ENOX1: variants seen among roughly 807,000 people sequenced by gnomAD.
ENOX1 encodes candidate growth-related and time keeping constitutive hydroquinone (NADH) oxidase.
A neutral mutation model predicts 82.5 loss-of-function variants in ENOX1; 42 were observed. The observed-to-expected ratio is 0.51, with a 90% CI of 0.40 to 0.66. The LOEUF (loss-of-function observed/expected upper bound fraction) is 0.66. ENOX1 is among the 30% of genes least tolerant of loss of function. The pLI is 0.00. For missense variants in ENOX1, 608 were observed against 811.6 expected (o/e 0.75, Z 3.05); for synonymous variants, 271 against 282.2 (o/e 0.96, Z 0.40).
intron 1 of ENOX1, among the ~76,000 whole-genome samples, chr13:43,779,035 G>T (rs1952087034): frequency 6.6e-6 from 1 of 152,012 alleles, no homozygotes; most frequent in African/African-American, 2.4e-5. Flanking sequence ...TTCCTAGCTG[G>T]TCTCCATGTC....
intron 14 of ENOX1, among the ~76,000 whole-genome samples, chr13:43,237,607 G>A (rs956842296): frequency 2.0e-5 from 3 of 152,200 alleles, no homozygotes; most frequent in Admixed American, 1.3e-4. Flanking sequence ...ATAGAGAACA[G>A]GTACGGAGAG....
At chr13:43,346,408 A>C (rs1042939694) in intron 8 of ENOX1, among the ~76,000 whole-genome samples, 1 of 152,122 alleles carries the variant, frequency 6.6e-6, no homozygotes, top group Non-Finnish European at 1.5e-5. Flanking sequence ...TTTCTGAGCA[A>C]ACCTGCCCCC....
intron 12 of ENOX1, among the ~76,000 whole-genome samples, chr13:43,284,056 G>A (rs959736462): frequency 6.6e-6 from 1 of 152,072 alleles, no homozygotes; most frequent in East Asian, 1.9e-4. Flanking sequence ...TTTGACATCT[G>A]TTGAGATTTG....
intron 2 of ENOX1, 125 bp from the exon 3 acceptor site, chr13:43,484,277 C>T (rs2058611623): frequency 2.1e-6 from 1 of 485,714 alleles, no homozygotes; most frequent in Non-Finnish European, 2.7e-6. Context: ...CAATTTTGTA[C>T]CCTAAATCAT....
chr13:43,578,574 G>A (rs909530718), intron 2 of ENOX1, among the ~76,000 whole-genome samples: 1 of 152,056 alleles, frequency 6.6e-6, no homozygotes, highest in African/African-American at 2.4e-5. Context: ...TTCATAAGTA[G>A]CGTCACTCAA....
chr13:43,454,840 C>T (rs1269325468), intron 3 of ENOX1, among the ~76,000 whole-genome samples: 1 of 119,840 alleles, frequency 8.3e-6, no homozygotes, highest in South Asian at 2.9e-4. Context: ...ATATTGAAAC[C>T]ATTTTTTTTT....
intron 2 of ENOX1, among the ~76,000 whole-genome samples, chr13:43,554,040 C>A (rs999013690): frequency 6.6e-6 from 1 of 152,292 alleles, no homozygotes; most frequent in African/African-American, 2.4e-5. Context: ...TGAGCCACTG[C>A]GCCTGGCTGA....
chr13:43,299,782 A>G (rs1174313917), intron 11 of ENOX1, among the ~76,000 whole-genome samples: 1 of 152,154 alleles, frequency 6.6e-6, no homozygotes, highest in Non-Finnish European at 1.5e-5. Context: ...GTTACCAGAA[A>G]CTTCAAACAT....
chr13:43,288,739 T>A (rs1213573553), intron 12 of ENOX1, among the ~76,000 whole-genome samples: 1 of 152,208 alleles, frequency 6.6e-6, no homozygotes, highest in African/African-American at 2.4e-5. Flanking sequence ...TTGAGGCTCA[T>A]GAACTCTACT....
chr13:43,729,863 C>A (rs914797020), intron 1 of ENOX1, among the ~76,000 whole-genome samples: 1 of 152,198 alleles, frequency 6.6e-6, no homozygotes, highest in African/African-American at 2.4e-5. Context: ...ATCTCTGTAC[C>A]ATTCCAATTT....
At chr13:43,666,334 A>G (rs1052904669) in intron 2 of ENOX1, among the ~76,000 whole-genome samples, 29 of 152,322 alleles carry the variant, frequency 1.9e-4, no homozygotes, top group African/African-American at 6.7e-4. Flanking sequence ...CTGCAATCCA[A>G]ATCTCTCATA....
At chr13:43,523,869 C>G (rs1283034063) in intron 2 of ENOX1, among the ~76,000 whole-genome samples, 1 of 152,100 alleles carries the variant, frequency 6.6e-6, no homozygotes, top group Non-Finnish European at 1.5e-5. Flanking sequence ...CAGATTCTCC[C>G]TGAAAAGTGA....
At position 43,292,087 on chromosome 13, in the gene ENOX1, C is replaced by T. The variant is rs536798056; in HGVS notation, c.1446+6259G>A. Among the ~76,000 whole-genome samples, 63 of 152,204 alleles carry T rather than the reference C, an allele frequency of 4.1e-4. 1 individual carries two copies. The South Asian group carries it at 0.013, about 31-fold the overall frequency. ...CACCTTGCTCATGAAGAAACCTGTA[C>T]ATAAAAGAGAGAGACTGAAACACAA... On this transcript the variant is annotated intron_variant, in intron 12 of 16. Transcript: ENST00000690772.
intron 2 of ENOX1, among the ~76,000 whole-genome samples, chr13:43,631,055 A>G (rs146559909): frequency 6.6e-6 from 1 of 152,288 alleles, no homozygotes; most frequent in Non-Finnish European, 1.5e-5. Context: ...GTGGTCTTTA[A>G]AAACATGAGT....
intron 2 of ENOX1, among the ~76,000 whole-genome samples, chr13:43,666,663 T>C (rs1416673804): frequency 6.6e-6 from 1 of 152,196 alleles, no homozygotes; most frequent in Non-Finnish European, 1.5e-5. Context: ...AATAAATTTC[T>C]ATTGTATAAA....
chr13:43,537,899 G>A (rs4245323), intron 2 of ENOX1, among the ~76,000 whole-genome samples: 148,616 of 152,340 alleles, frequency 0.98, 72,613 homozygotes, highest in East Asian at 1. Context: ...CCTTCTACCC[G>A]GGAGGAACAC....
At chr13:43,690,051 C>T (rs139203780) in intron 1 of ENOX1, among the ~76,000 whole-genome samples, 1 of 152,224 alleles carries the variant, frequency 6.6e-6, no homozygotes, top group Non-Finnish European at 1.5e-5. Context: ...TTCCTTGGCT[C>T]TTCCTCCAAG....
At chr13:43,364,257 C>T (rs2050705241) in intron 5 of ENOX1, among the ~76,000 whole-genome samples, 1 of 152,158 alleles carries the variant, frequency 6.6e-6, no homozygotes, top group African/African-American at 2.4e-5. Flanking sequence ...AGAATCAGTT[C>T]CATGCCCTGT....
chr13:43,324,780 G>A (rs1005672728), intron 10 of ENOX1, among the ~76,000 whole-genome samples: 16 of 152,036 alleles, frequency 1.1e-4, no homozygotes, highest in African/African-American at 2.2e-4. Flanking sequence ...GCCTTCACAC[G>A]TCCTGCTCCC....
Sources: gnomAD v4.1 joint callset for allele counts (sites outside exome capture counted in the v4.1 genomes callset) on GRCh38, gnomAD v4.1.1 for gene constraint, MANE v1.5 for transcripts, NCBI Gene and HGNC (gene_info 2026-07-23, HGNC 2026-07-21) for gene names.